DCUN1D1: variants seen among roughly 807,000 people sequenced by gnomAD.
DCUN1D1 encodes defective in cullin neddylation 1 domain containing 1.
A neutral mutation model predicts 39.0 loss-of-function variants in DCUN1D1; 3 were observed. That is an observed-to-expected ratio of 0.08 (90% CI 0.04 to 0.20). The LOEUF (loss-of-function observed/expected upper bound fraction) is 0.20, where lower values mean the gene tolerates loss of function less well. DCUN1D1 is among the 10% of genes least tolerant of loss of function. The pLI, the probability that DCUN1D1 is intolerant of heterozygous loss-of-function variation, is 1.00. For missense variants in DCUN1D1, 158 were observed against 302.4 expected, an observed-to-expected ratio of 0.52 and a Z score of 3.54; for synonymous variants, 82 against 96.3, an observed-to-expected ratio of 0.85 and a Z score of 0.87.
intron 1 of DCUN1D1, among the ~76,000 whole-genome samples, chr3:182,967,317 T>C (rs1333666120): frequency 1.3e-5 from 2 of 152,068 alleles, no homozygotes; most frequent in East Asian, 3.9e-4. Flanking sequence ...TTGTTATTAG[T>C]AGAAATGAGA....
At chr3:182,958,383 C>T (rs773745574) in intron 4 of DCUN1D1, among the ~76,000 whole-genome samples, 1 of 151,886 alleles carries the variant, frequency 6.6e-6, no homozygotes, top group South Asian at 2.1e-4. Context: ...TAACATCTTG[C>T]TTTAGTGTGG....
upstream of DCUN1D1, chr3:182,980,539 G>T: frequency 8.2e-7 from 1 of 1,222,408 alleles, no homozygotes; most frequent in South Asian, 2.0e-5. Context: ...CGCAGCGAAT[G>T]GACGGCGGCG....
intron 4 of DCUN1D1, among the ~76,000 whole-genome samples, chr3:182,959,501 C>CAAAAAAA (rs11373344): frequency 8.6e-5 from 7 of 81,164 alleles, no homozygotes; most frequent in East Asian, 4.9e-4. Context: ...CTTCAAAAAC[C>CAAAAAAA]AAAAAAAAAA....
chr3:182,947,138 G>A, intron 6 of DCUN1D1, 100 bp downstream of exon 6: 1 of 626,038 alleles, frequency 1.6e-6, no homozygotes. Context: ...TCAGCGGAGG[G>A]AATTCCAACT....
Position 182,967,226 on chromosome 3 carries a change from G to A in DCUN1D1, c.4-1473C>T, listed in dbSNP as rs1247821062. 9.3e-5 allele frequency among the ~76,000 whole-genome samples: 14 copies of A among 151,338 alleles called. No homozygotes were observed. The South Asian group carries it at 1.7e-3, about 18-fold the overall frequency. On this transcript the variant is annotated intron_variant, in intron 1 of 6. Transcript: ENST00000292782. Reference sequence around the variant, plus strand: ...CTCATCTGGCCCAAACAGACAGATCGTAAACATCAACTTCCAGATTAGACA... The same window carrying A: ...CTCATCTGGCCCAAACAGACAGATCATAAACATCAACTTCCAGATTAGACA...
Position 182,965,549 on chromosome 3 carries a change from T to C in DCUN1D1, c.208A>G (p.Asn70Asp). Residue 70 changes from asparagine (N) to aspartate (D), a missense_variant, in exon 2 of 7, where the codon AAT becomes GAT. By Grantham distance (23) the Asn-to-Asp change is conservative. Transcript: ENST00000292782. ...AGCAAGCACTCACCTTTGTATCTAT[T>C]GTACAGCTGTTCTAACTTCTTCCTG... ...LDRKKLEQLY[N>D]RYKDPQDENK... is the part of the protein sequence containing the mutation. 2 of 1,611,936 alleles carry C rather than the reference T, an allele frequency of 1.2e-6. No homozygotes were observed. Among genetic ancestry groups the C allele is most frequent in the Non-Finnish European group, 1.7e-6 (2 of 1,178,324 alleles).
chr3:182,947,413 C>A, intron 5 of DCUN1D1, 79 bp from the exon 6 acceptor site: 1 of 1,161,084 alleles, frequency 8.6e-7, no homozygotes, highest in Non-Finnish European at 1.2e-6. Flanking sequence ...ATTTGAAATA[C>A]AAGAATGCAA....
chr3:182,953,953 G>A (rs1292313672), intron 4 of DCUN1D1, among the ~76,000 whole-genome samples: 1 of 152,154 alleles, frequency 6.6e-6, no homozygotes, highest in East Asian at 1.9e-4. Flanking sequence ...AATGCAGGAT[G>A]AACATGGAAA....
chr3:182,968,087 T>A (rs1727759704), intron 1 of DCUN1D1, among the ~76,000 whole-genome samples: 1 of 152,138 alleles, frequency 6.6e-6, no homozygotes, highest in Non-Finnish European at 1.5e-5. Context: ...TTTTTTTGTT[T>A]TTTTAGAGAC....
In DCUN1D1 at chr3:182,938,141, T is replaced by A. The variant is rs1276573974; in HGVS notation, c.*6953A>T. ...ATATAATAGCTTCTTATATACTACA[T>A]TAACTTGAAAAATATATTCGTTAGA... On this transcript the variant is annotated 3_prime_UTR_variant, in exon 7 of 7. Coordinates refer to ENST00000292782, the MANE Select transcript of DCUN1D1 (RefSeq NM_020640.4). 6.6e-6 allele frequency: 1 copy of A among 152,198 alleles called. No homozygotes were observed. Among genetic ancestry groups the A allele is most frequent in the African/African-American group, 2.4e-5 (1 of 41,448 alleles). 9.4% of individuals were successfully genotyped at this position (152,198 alleles called of 1,614,324 possible).
rs1468866892 is a variant in DCUN1D1, at chr3:182,944,535, TCAA to T, written c.*556_*558del. On this transcript the variant is annotated 3_prime_UTR_variant, in exon 7 of 7. Coordinates refer to ENST00000292782, the MANE Select transcript of DCUN1D1 (RefSeq NM_020640.4). The stretch of plus-strand genomic sequence containing the variant: ...ATTGTTTTTTCATCAGATACTCACA[TCAA>T]CAACACATGTGATTTGCCAGGAAAA... The T allele has an allele frequency of 6.6e-6, 1 of 151,896 alleles. No individual in the cohort carries two copies. The highest frequency in any genetic ancestry group is 1.5e-5 in the Non-Finnish European group (1 of 67,924). 9.4% of individuals were successfully genotyped at this position (151,896 alleles called of 1,614,324 possible). A position where few individuals can be genotyped will look rare whatever the true frequency, so the allele number is the denominator to read the frequency against.
intron 1 of DCUN1D1, among the ~76,000 whole-genome samples, chr3:182,976,440 T>TAC (rs1408876815): frequency 3.6e-4 from 34 of 93,198 alleles, no homozygotes; most frequent in Admixed American, 2.0e-3. Context: ...TACATATACA[T>TAC]ACATACACAC....
upstream of DCUN1D1, chr3:182,980,708 T>A: frequency 3.8e-6 from 1 of 259,934 alleles, no homozygotes; most frequent in Non-Finnish European, 5.8e-6. Flanking sequence ...GGCGCGGGGG[T>A]CCCCCGGGGA....
At chr3:182,964,856 G>C (rs1727589401) in intron 2 of DCUN1D1, among the ~76,000 whole-genome samples, 1 of 151,666 alleles carries the variant, frequency 6.6e-6, no homozygotes. Flanking sequence ...GGACAGACTG[G>C]TCTTGAACTC....
At chr3:182,949,796 C>A (rs1726614052) in intron 4 of DCUN1D1, among the ~76,000 whole-genome samples, 1 of 152,176 alleles carries the variant, frequency 6.6e-6, no homozygotes, top group African/African-American at 2.4e-5. Flanking sequence ...TGGAAACCTG[C>A]AAGACTGACC....
chr3:182,966,546 T>C (rs1196245171), intron 1 of DCUN1D1, among the ~76,000 whole-genome samples: 1 of 152,068 alleles, frequency 6.6e-6, no homozygotes, highest in Non-Finnish European at 1.5e-5. Context: ...AATCACCTCT[T>C]CTCACTTGCT....
At chr3:182,981,548 A>G (rs1001662628), upstream of DCUN1D1, among the ~76,000 whole-genome samples, 1 of 152,126 alleles carries the variant, frequency 6.6e-6, no homozygotes, top group Non-Finnish European at 1.5e-5. Context: ...ACACCTTCAC[A>G]CAGGAAGGAA....
chr3:182,963,675 T>C (rs143263653), intron 3 of DCUN1D1, among the ~76,000 whole-genome samples: 103 of 152,302 alleles, frequency 6.8e-4, no homozygotes, highest in African/African-American at 2.3e-3. Flanking sequence ...GATAAGAATA[T>C]AGCCAAATAG....
chr3:182,965,727 A>G lies in DCUN1D1; in HGVS notation c.30T>C (p.Asp10=). The part of the protein sequence containing the change: MNKLKSSQK[D]KVRQFMIFTQ... ...TGAAGATCATAAACTGACGAACTTT[A>G]TCCTTCTGCGATGATTTCAACTTGT... Residue 10 remains aspartate, a synonymous_variant, in exon 2 of 7, where the codon GAT becomes GAC. Transcript: ENST00000292782. 6.2e-7 allele frequency: 1 copy of G among 1,613,478 alleles called. No homozygotes were observed. The highest frequency in any genetic ancestry group is 8.5e-7 in the Non-Finnish European group (1 of 1,179,730).
Sources: allele counts gnomAD v4.1 joint callset (sites outside exome capture counted in the v4.1 genomes callset), GRCh38; gene constraint gnomAD v4.1.1; transcripts MANE v1.5; gene names NCBI Gene and HGNC (gene_info 2026-07-23, HGNC 2026-07-21).